GLIS1: variants seen among roughly 807,000 people sequenced by gnomAD.
The protein encoded by GLIS1 is GLIS family zinc finger 1.
A neutral mutation model predicts 63.8 loss-of-function variants in GLIS1; 24 were observed. That is an observed-to-expected ratio of 0.38 (90% CI 0.27 to 0.53). GLIS1 has a LOEUF of 0.53. Ranked by LOEUF, GLIS1 falls within the 20% of genes least tolerant of loss-of-function variation. GLIS1 has a pLI of 0.85. For missense variants in GLIS1, 1,036 were observed against 1,074.1 expected (o/e 0.96, Z 0.50); for synonymous variants, 450 against 482.5 (o/e 0.93, Z 0.88).
intron 2 of GLIS1, among the ~76,000 whole-genome samples, chr1:53,698,748 G>A (rs1322158761): frequency 2.0e-5 from 3 of 152,196 alleles, no homozygotes; most frequent in African/African-American, 7.2e-5. Context: ...CTCTCCACCA[G>A]GCTTTCCCTG....
At chr1:53,728,602 A>C (rs1184634659) in intron 2 of GLIS1, among the ~76,000 whole-genome samples, 1 of 152,228 alleles carries the variant, frequency 6.6e-6, no homozygotes, top group African/African-American at 2.4e-5. Context: ...TCTTATATAC[A>C]AACTTCATGC....
intron 2 of GLIS1, among the ~76,000 whole-genome samples, chr1:53,645,603 C>T (rs1645836103): frequency 6.6e-6 from 1 of 152,192 alleles, no homozygotes; most frequent in African/African-American, 2.4e-5. Flanking sequence ...ACAGCAAGAC[C>T]CCCTATGAAC....
At chr1:53,693,483 GGCTCTGGCATGCTCCCCCA>G (rs1165737507) in intron 2 of GLIS1, among the ~76,000 whole-genome samples, 21 of 152,334 alleles carry the variant, frequency 1.4e-4, no homozygotes, top group Admixed American at 5.9e-4. Flanking sequence ...TGCTAAGTCT[GGCTCTGGCATGCTCCCCCA>G]GCCACCACAT....
chr1:53,652,365 G>A (rs963075539), intron 2 of GLIS1, among the ~76,000 whole-genome samples: 1 of 152,122 alleles, frequency 6.6e-6, no homozygotes, highest in Non-Finnish European at 1.5e-5. Flanking sequence ...GGGGAAGGAG[G>A]CTTAGATCTC....
At chr1:53,723,306 G>T (rs1203122966) in intron 2 of GLIS1, among the ~76,000 whole-genome samples, 9 of 150,040 alleles carry the variant, frequency 6.0e-5, no homozygotes, top group African/African-American at 2.2e-4. Context: ...CTTGATCTCA[G>T]CTCACTGCAA....
In GLIS1 at chr1:53,521,990, G is replaced by C. The variant is rs111839947; in HGVS notation, c.1594-1224C>G. 4.3e-4 allele frequency among the ~76,000 whole-genome samples: 65 copies of C among 152,366 alleles called. 1 individual carries two copies. Among genetic ancestry groups the C allele is most frequent in the African/African-American group, 1.4e-3 (59 of 41,594 alleles). ...CACAGCAGCTGAGAGTCAGCCCTGA[G>C]GGCTTTTCTGCCCTCCTAAGACAGC... On this transcript the variant is annotated intron_variant, in intron 6 of 10. Coordinates refer to ENST00000628545, the MANE Select transcript of GLIS1 (RefSeq NM_001367484.1).
At chr1:53,729,238 C>T (rs1330908712) in intron 2 of GLIS1, among the ~76,000 whole-genome samples, 1 of 152,174 alleles carries the variant, frequency 6.6e-6, no homozygotes, top group African/African-American at 2.4e-5. Context: ...TTTTGCTCCG[C>T]ATCCACCCGC....
rs374408090 is a variant in GLIS1 at position 53,726,156 on chromosome 1, G to GT, written c.259+11649dup. Among the ~76,000 whole-genome samples the GT allele has an allele frequency of 2.0e-3, 308 of 152,308 alleles. 2 individuals carry two copies. Among genetic ancestry groups the GT allele is most frequent in the African/African-American group, 7.2e-3 (301 of 41,560 alleles). ...GGGTTAATTCTGGCTGGAGGAGGAA[G>GT]TTTTTTGACTGTGATGAGTGGGTAA... On this transcript the variant is annotated intron_variant, in intron 2 of 10. Coordinates refer to ENST00000628545, the MANE Select transcript of GLIS1 (RefSeq NM_001367484.1).
In GLIS1 at chr1:53,506,557, G is replaced by A. The variant is rs1010111858; in HGVS notation, c.*62C>T. The A allele has an allele frequency of 4.7e-5, 72 of 1,541,856 alleles. No individual in the cohort carries two copies. The East Asian group carries it at 7.9e-4, about 17-fold the overall frequency. ...TGCTAGGTGCACGGAGGGTGGGAGC[G>A]ACAGCAGGTGGGCGAGGTGGCATCT... is the stretch of plus-strand genomic sequence containing the variant. On this transcript the variant is annotated 3_prime_UTR_variant, in exon 11 of 11. Coordinates refer to ENST00000628545, the MANE Select transcript of GLIS1 (RefSeq NM_001367484.1).
chr1:53,530,685 T>A (rs1464970656), intron 4 of GLIS1, among the ~76,000 whole-genome samples: 2 of 152,196 alleles, frequency 1.3e-5, no homozygotes, highest in Non-Finnish European at 2.9e-5. Context: ...CCTTTGTTCA[T>A]TCAAGTCACT....
intron 2 of GLIS1, among the ~76,000 whole-genome samples, chr1:53,657,606 A>G (rs1405481): frequency 0.85 from 128,308 of 151,640 alleles, 55,479 homozygotes; most frequent in East Asian, 0.93. Context: ...ACGCATCCAC[A>G]AGGCTATGTG....
At chr1:53,538,266 C>T (rs1250837017) in intron 4 of GLIS1, among the ~76,000 whole-genome samples, 2 of 152,210 alleles carry the variant, frequency 1.3e-5, no homozygotes, top group East Asian at 1.9e-4. Context: ...GTGAGGCTCT[C>T]GAGGGTCTGG....
rs533294711 is a variant in GLIS1, at chr1:53,506,829, C to T, written c.2231-53G>A. 4.8e-5 allele frequency: 75 copies of T among 1,547,566 alleles called. No individual in the cohort carries two copies. The East Asian group carries it at 5.5e-4, about 11-fold the overall frequency. ...CTGGAGGCAGCAGGGGCTGTGCCTG[C>T]GCATGCTTCCCAGTTCCAGGCCCCA... is the stretch of plus-strand genomic sequence containing the variant. On this transcript the variant is annotated intron_variant, in intron 10 of 10. Transcript: ENST00000628545.
At position 53,625,540 on chromosome 1, in the gene GLIS1, A is replaced by G. The variant is rs1645585522; in HGVS notation, c.260-25262T>C. ...AATTCATTCAAGTAGTCATTCAAAA[A>G]ACATTGATTGCACATCTCCTGTTGA... is the stretch of plus-strand genomic sequence containing the variant. On this transcript the variant is annotated intron_variant, in intron 2 of 10. Transcript: ENST00000628545. 2.0e-5 allele frequency among the ~76,000 whole-genome samples: 3 copies of G among 152,222 alleles called. No homozygotes were observed. In the South Asian group the frequency reaches 6.2e-4, roughly 32 times the overall value.
chr1:53,527,272 C>A (rs921472090), intron 5 of GLIS1, among the ~76,000 whole-genome samples: 14 of 152,324 alleles, frequency 9.2e-5, no homozygotes, highest in African/African-American at 3.4e-4. Flanking sequence ...AGCTGAGGCC[C>A]CATGCAGGAC....
chr1:53,549,185 T>C (rs1422935628), intron 4 of GLIS1, among the ~76,000 whole-genome samples: 2 of 152,262 alleles, frequency 1.3e-5, no homozygotes, highest in African/African-American at 4.8e-5. Context: ...CATCCCTCCA[T>C]TGATGGACAT....
At chr1:53,525,973 T>A (rs528364561) in intron 5 of GLIS1, among the ~76,000 whole-genome samples, 2 of 152,298 alleles carry the variant, frequency 1.3e-5, no homozygotes, top group South Asian at 4.1e-4. Context: ...AGGGGACTCG[T>A]GGCTCTAATT....
At position 53,577,361 on chromosome 1, in the gene GLIS1, C is replaced by A. The variant is rs534618812; in HGVS notation, c.1320+16747G>T. Among the ~76,000 whole-genome samples, 69 of 152,272 alleles carry A rather than the reference C, an allele frequency of 4.5e-4. 2 individuals are homozygous for A. Among genetic ancestry groups the A allele is most frequent in the African/African-American group, 1.6e-3 (68 of 41,556 alleles). ...TGGAGCCCTCAACTGGGCTCCCCAC[C>A]CCACCCCATGCATCTAGCAGACTCC... On this transcript the variant is annotated intron_variant, in intron 4 of 10. Transcript: ENST00000628545.
intron 2 of GLIS1, among the ~76,000 whole-genome samples, chr1:53,677,165 G>A (rs1278497548): frequency 1.3e-5 from 2 of 152,216 alleles, no homozygotes; most frequent in Non-Finnish European, 2.9e-5. Flanking sequence ...TGAGCTTCCC[G>A]AGGAGCTAGT....
Sources: gnomAD v4.1 joint callset for allele counts (sites outside exome capture counted in the v4.1 genomes callset) on GRCh38, gnomAD v4.1.1 for gene constraint, MANE v1.5 for transcripts, NCBI Gene and HGNC (gene_info 2026-07-23, HGNC 2026-07-21) for gene names.